Variants in JMJD1C observed in about 807,000 individuals in gnomAD.
JMJD1C encodes the protein jumonji domain containing 1C.
In JMJD1C, 31 loss-of-function variants were observed where a neutral mutation model predicts 245.3. The ratio of observed to expected loss-of-function variants is 0.13; its 90% CI spans 0.09 to 0.17. The LOEUF (loss-of-function observed/expected upper bound fraction) is 0.17, where lower values mean the gene tolerates loss of function less well. Among genes scored for constraint, JMJD1C ranks in the 10% least tolerant of loss-of-function variants. The probability of loss-of-function intolerance (pLI) is 1.00; values close to 1 mark genes in which losing one functional copy is unlikely to be tolerated. For synonymous variants in JMJD1C, 1,057 were observed against 1,017.4 expected (o/e 1.04, Z -0.74); for missense variants, 2,691 against 3,000.2 (o/e 0.90, Z 2.41).
At chr10:63,327,748 A>C (rs1941689833) in intron 2 of JMJD1C, among the ~76,000 whole-genome samples, 1 of 151,766 alleles carries the variant, frequency 6.6e-6, no homozygotes, top group Non-Finnish European at 1.5e-5. Flanking sequence ...GGCTCACTGC[A>C]ACCTCCACCT....
chr10:63,412,556 G>A (rs1949549798), intron 1 of JMJD1C, among the ~76,000 whole-genome samples: 1 of 152,100 alleles, frequency 6.6e-6, no homozygotes, highest in African/African-American at 2.4e-5. Context: ...AAAAACAGGA[G>A]GTGGCTAAAA....
chr10:63,311,299 A>G (rs1261439727), intron 2 of JMJD1C, among the ~76,000 whole-genome samples: 1 of 152,082 alleles, frequency 6.6e-6, no homozygotes, highest in African/African-American at 2.4e-5. Context: ...GAATCACTTG[A>G]ATCCAAGAAG....
At chr10:63,382,691 C>T in intron 1 of JMJD1C, 1 of 437,926 alleles carries the variant, frequency 2.3e-6, no homozygotes, top group South Asian at 1.6e-5. Flanking sequence ...ATAGGACATT[C>T]AATCATTCAA....
At chr10:63,373,588 GATA>G (rs949550359) in intron 2 of JMJD1C, among the ~76,000 whole-genome samples, 3 of 152,168 alleles carry the variant, frequency 2.0e-5, no homozygotes, top group Non-Finnish European at 2.9e-5. Context: ...CTAGAAAGAA[GATA>G]ATAAATACAA....
intron 1 of JMJD1C, chr10:63,427,995 C>A: frequency 1.5e-6 from 1 of 686,518 alleles, no homozygotes; most frequent in South Asian, 1.5e-5. Flanking sequence ...TTTGGCTTAG[C>A]CCCCTCTGTG....
intron 1 of JMJD1C, chr10:63,382,912 T>C (rs1377130086): frequency 4.4e-6 from 2 of 454,740 alleles, no homozygotes; most frequent in Non-Finnish European, 8.8e-6. Context: ...TAGCTTTGAA[T>C]TTCTACTGCA....
chr10:63,304,015 C>T (rs1860392720), intron 2 of JMJD1C, among the ~76,000 whole-genome samples: 1 of 152,150 alleles, frequency 6.6e-6, no homozygotes, highest in South Asian at 2.1e-4. Context: ...AACAAATACT[C>T]TAATGACACT....
chr10:63,398,350 C>G (rs968042197), intron 1 of JMJD1C, among the ~76,000 whole-genome samples: 1 of 152,110 alleles, frequency 6.6e-6, no homozygotes, highest in African/African-American at 2.4e-5. Context: ...TTCTCCCATA[C>G]AGCCTTCAAT....
At chr10:63,301,824 A>C (rs577248985) in intron 2 of JMJD1C, 30 of 413,308 alleles carry the variant, frequency 7.3e-5, no homozygotes, top group South Asian at 1.9e-4. Context: ...AAAATTAAAA[A>C]TAAAATAAAA....
At chr10:63,175,485 T>C (rs560992090) in intron 24 of JMJD1C, among the ~76,000 whole-genome samples, 1 of 152,370 alleles carries the variant, frequency 6.6e-6, no homozygotes, top group South Asian at 2.1e-4. Flanking sequence ...AAGCAATTAT[T>C]ATCACCTAAG....
chr10:63,444,489 G>C (rs1294692195), intron 1 of JMJD1C, among the ~76,000 whole-genome samples: 1 of 152,084 alleles, frequency 6.6e-6, no homozygotes, highest in Non-Finnish European at 1.5e-5. Flanking sequence ...GGCCAGGCTG[G>C]TCCTGAACTC....
chr10:63,429,464 G>A (rs759052888), intron 1 of JMJD1C, among the ~76,000 whole-genome samples: 13 of 152,264 alleles, frequency 8.5e-5, no homozygotes, highest in African/African-American at 4.8e-5. Context: ...TTATTGGCCA[G>A]AATTAGTCAC....
chr10:63,233,545 G>A (rs987119513), intron 3 of JMJD1C, among the ~76,000 whole-genome samples: 9 of 151,932 alleles, frequency 5.9e-5, no homozygotes, highest in East Asian at 3.9e-4. Flanking sequence ...CATTATATTC[G>A]TCAGAATTTA....
At chr10:63,244,175 T>A (rs1035979140) in intron 3 of JMJD1C, among the ~76,000 whole-genome samples, 4 of 152,156 alleles carry the variant, frequency 2.6e-5, no homozygotes, top group Non-Finnish European at 5.9e-5. Context: ...AGATGCCATA[T>A]CAGAGTGGCA....
At chr10:63,484,773 G>C (rs1199214655) in intron 1 of JMJD1C, among the ~76,000 whole-genome samples, 2 of 151,874 alleles carry the variant, frequency 1.3e-5, no homozygotes, top group African/African-American at 2.4e-5. Context: ...TTTCTATTGA[G>C]CTTTGATTAT....
chr10:63,338,316 A>G (rs534351035), intron 2 of JMJD1C, among the ~76,000 whole-genome samples: 2 of 151,988 alleles, frequency 1.3e-5, no homozygotes, highest in South Asian at 4.2e-4. Context: ...AAAAATTCTT[A>G]TAAGATGGAG....
chr10:63,188,155 T>C (rs191117272), intron 18 of JMJD1C, among the ~76,000 whole-genome samples: 23 of 152,242 alleles, frequency 1.5e-4, no homozygotes, highest in Admixed American at 2.6e-4. Flanking sequence ...TCATAGCACC[T>C]TGAACAAAGT....
chr10:63,261,628 T>C (rs1387398250), intron 3 of JMJD1C, among the ~76,000 whole-genome samples: 1 of 152,216 alleles, frequency 6.6e-6, no homozygotes, highest in Non-Finnish European at 1.5e-5. Flanking sequence ...TGCTATCTGA[T>C]ATTCAATACA....
Position 63,308,940 on chromosome 10 carries a change from T to C in JMJD1C, c.334-44176A>G, listed in dbSNP as rs1297212777. ...AATCTTGGGGAAAAAGAGAAGATTCTATATGCTTTTAGAAAGAAAAAGTGA... is the reference window on the plus strand; with the variant it reads ...AATCTTGGGGAAAAAGAGAAGATTCCATATGCTTTTAGAAAGAAAAAGTGA... On this transcript the variant is annotated intron_variant, in intron 2 of 25. Coordinates refer to ENST00000399262, the MANE Select transcript of JMJD1C (RefSeq NM_032776.3). 3.9e-5 allele frequency among the ~76,000 whole-genome samples: 6 copies of C among 152,230 alleles called. No individual in the cohort carries two copies. The East Asian group carries it at 1.2e-3, about 29-fold the overall frequency.
Sources: allele counts gnomAD v4.1 joint callset (sites outside exome capture counted in the v4.1 genomes callset), GRCh38; gene constraint gnomAD v4.1.1; transcripts MANE v1.5; gene names NCBI Gene and HGNC (gene_info 2026-07-23, HGNC 2026-07-21).